PTPN3: variants seen among roughly 807,000 people sequenced by gnomAD.
PTPN3 encodes the protein tyrosine-protein phosphatase non-receptor type 3.
In PTPN3, 96 loss-of-function variants were observed where a neutral mutation model predicts 132.7. That is an observed-to-expected ratio of 0.72 (90% confidence interval 0.61 to 0.86). PTPN3 has a LOEUF of 0.86. Ranked by LOEUF, PTPN3 falls within the 40% of genes least tolerant of loss-of-function variation. The pLI is 0.00. For missense variants in PTPN3, 1,125 were observed against 1,159.6 expected (o/e 0.97, Z 0.43); for synonymous variants, 398 against 429.0 (o/e 0.93, Z 0.89).
At chr9:109,535,787 G>A in the PTPN3 span, among the ~76,000 whole-genome samples, 1 of 152,178 alleles carries the variant, frequency 6.6e-6, no homozygotes, top group Non-Finnish European at 1.5e-5. Context: ...GACTACAGGT[G>A]TGAGCCACTG....
At chr9:109,502,390 A>G (rs796485905), upstream of PTPN3, among the ~76,000 whole-genome samples, 83 of 152,358 alleles carry the variant, frequency 5.4e-4, no homozygotes, top group African/African-American at 1.9e-3. Context: ...CAAGCTTATG[A>G]AGAGCCCGAG....
chr9:109,442,290 C>T (rs754943698), intron 7 of PTPN3, among the ~76,000 whole-genome samples: 10 of 152,172 alleles, frequency 6.6e-5, no homozygotes, highest in Admixed American at 2.0e-4. Context: ...TCACGCAATC[C>T]GCCTGCCTCA....
the PTPN3 span, among the ~76,000 whole-genome samples, chr9:109,531,281 C>T: frequency 1.3e-5 from 2 of 152,284 alleles, no homozygotes; most frequent in Middle Eastern, 6.8e-3. Flanking sequence ...TCTGCCCCTA[C>T]CATAACATGA....
Position 109,456,997 on chromosome 9 carries a change from C to G in PTPN3, c.289+176G>C, listed in dbSNP as rs1415931292. On this transcript the variant is annotated intron_variant, in intron 4 of 25. Coordinates refer to ENST00000374541, the MANE Select transcript of PTPN3 (RefSeq NM_002829.4). Reference sequence around the variant, plus strand: ...CTGGGGCGGATCCTAGAGGGCTGATCTGGAAGCATCTCTGCTGACTCAGAA... The same window carrying G: ...CTGGGGCGGATCCTAGAGGGCTGATGTGGAAGCATCTCTGCTGACTCAGAA... 1.5e-5 allele frequency: 10 copies of G among 656,706 alleles called. No homozygotes were observed. In the East Asian group the frequency reaches 2.8e-4, roughly 18 times the overall value. 40.7% of individuals were successfully genotyped at this position (656,706 alleles called of 1,614,324 possible). A position where few individuals can be genotyped will look rare whatever the true frequency, so the allele number is the denominator to read the frequency against.
At chr9:109,492,531 C>A (rs190898386) in intron 1 of PTPN3, among the ~76,000 whole-genome samples, 2 of 152,190 alleles carry the variant, frequency 1.3e-5, no homozygotes, top group Non-Finnish European at 2.9e-5. Flanking sequence ...CTTTTCTATG[C>A]CAAGTTTTGC....
chr9:109,428,025 C>T (rs906142521), intron 11 of PTPN3, among the ~76,000 whole-genome samples: 2 of 152,184 alleles, frequency 1.3e-5, no homozygotes, highest in African/African-American at 2.4e-5. Context: ...GTGCTATGGA[C>T]TTTGCTTATG....
chr9:109,512,205 C>A, the PTPN3 span, among the ~76,000 whole-genome samples: 1 of 152,268 alleles, frequency 6.6e-6, no homozygotes, highest in Non-Finnish European at 1.5e-5. Context: ...ACCTGAGGAG[C>A]TTTTTAACGA....
the PTPN3 span, among the ~76,000 whole-genome samples, chr9:109,521,366 C>T: frequency 6.6e-6 from 1 of 152,090 alleles, no homozygotes; most frequent in African/African-American, 2.4e-5. Context: ...CACCATGTTG[C>T]CCAGGCTGGT....
chr9:109,455,047 G>A (rs1299895664), intron 4 of PTPN3, among the ~76,000 whole-genome samples: 1 of 152,186 alleles, frequency 6.6e-6, no homozygotes, highest in Non-Finnish European at 1.5e-5. Context: ...AAGCCAATTA[G>A]AGGTGACTTG....
chr9:109,383,616 T>TGGACA, intron 22 of PTPN3, 65 bp from the exon 23 acceptor site: 1 of 1,578,570 alleles, frequency 6.3e-7, no homozygotes, highest in Non-Finnish European at 8.6e-7. Flanking sequence ...CAGTTAACCC[T>TGGACA]GGACAGGTGG....
chr9:109,446,862 T>C (rs571934858), intron 6 of PTPN3, among the ~76,000 whole-genome samples: 2 of 152,316 alleles, frequency 1.3e-5, no homozygotes, highest in South Asian at 4.1e-4. Context: ...CTTCACCTGC[T>C]GAGTGAAGGG....
intron 7 of PTPN3, among the ~76,000 whole-genome samples, chr9:109,439,264 CA>C (rs1361975902): frequency 6.6e-6 from 1 of 152,020 alleles, no homozygotes; most frequent in Non-Finnish European, 1.5e-5. Context: ...CAAGTTTTCC[CA>C]TTTGTCTAAA....
At chr9:109,468,748 A>G (rs1846227954) in intron 1 of PTPN3, among the ~76,000 whole-genome samples, 1 of 152,256 alleles carries the variant, frequency 6.6e-6, no homozygotes, top group Admixed American at 6.5e-5. Flanking sequence ...TAGGGGCACA[A>G]TAAAGACCAT....
chr9:109,474,616 A>G (rs1458882815), intron 1 of PTPN3, among the ~76,000 whole-genome samples: 1 of 152,142 alleles, frequency 6.6e-6, no homozygotes, highest in African/African-American at 2.4e-5. Context: ...CCCATGTGCA[A>G]AGGTTGGGGG....
chr9:109,437,165 AG>A (rs11285878), intron 8 of PTPN3, among the ~76,000 whole-genome samples, 195 bp from the exon 9 acceptor site: 135,550 of 152,270 alleles, frequency 0.89, 60,604 homozygotes, highest in African/African-American at 0.97. Context: ...GACTCCCTCT[AG>A]ACCCTCTTGT....
At chr9:109,536,843 T>C in the PTPN3 span, among the ~76,000 whole-genome samples, 1 of 152,184 alleles carries the variant, frequency 6.6e-6, no homozygotes, top group South Asian at 2.1e-4. Context: ...GGAAGTTAAA[T>C]TCCCCTCTGT....
intron 1 of PTPN3, among the ~76,000 whole-genome samples, chr9:109,493,739 T>G (rs1847560265): frequency 6.6e-6 from 1 of 152,146 alleles, no homozygotes; most frequent in Non-Finnish European, 1.5e-5. Context: ...ATGGGGTCAG[T>G]GCTCCACTGC....
rs1049623008 is a variant in PTPN3, at chr9:109,378,278, T to C, written c.*1278A>G. Reference sequence around the variant, plus strand: ...TTATTTTCCTTAAATAATAATTTGCTACAATCCTGTCACAAATTTAAAAAA... The same window carrying C: ...TTATTTTCCTTAAATAATAATTTGCCACAATCCTGTCACAAATTTAAAAAA... On this transcript the variant is annotated 3_prime_UTR_variant, in exon 26 of 26. Transcript: ENST00000374541. 3.3e-5 allele frequency: 5 copies of C among 152,472 alleles called. No homozygotes were observed. Among genetic ancestry groups the C allele is most frequent in the Admixed American group, 2.6e-4 (4 of 15,288 alleles). 9.4% of individuals were successfully genotyped at this position (152,472 alleles called of 1,614,324 possible). A position where few individuals can be genotyped will look rare whatever the true frequency, so the allele number is the denominator to read the frequency against.
chr9:109,409,566 C>T (rs1346918991), intron 16 of PTPN3, among the ~76,000 whole-genome samples: 1 of 152,052 alleles, frequency 6.6e-6, no homozygotes, highest in South Asian at 2.1e-4. Context: ...GTGGTTCACG[C>T]CTGTAATCCC....
Sources: allele counts gnomAD v4.1 joint callset (sites outside exome capture counted in the v4.1 genomes callset), GRCh38; gene constraint gnomAD v4.1.1; transcripts MANE v1.5; gene names NCBI Gene and HGNC (gene_info 2026-07-23, HGNC 2026-07-21).